The following FAM20B variants were observed in gnomAD, a reference collection of about 807,000 sequenced individuals.
The protein encoded by FAM20B is glycosaminoglycan xylosylkinase.
In FAM20B, 23 loss-of-function variants were observed where a neutral mutation model predicts 43.8. That is an observed-to-expected ratio of 0.53 (90% confidence interval 0.38 to 0.74). FAM20B has a LOEUF of 0.74. FAM20B is among the 30% of genes least tolerant of loss of function. The pLI is 0.00. For synonymous variants in FAM20B, 178 were observed against 192.4 expected (o/e 0.93, Z 0.62); for missense variants, 440 against 510.5 (o/e 0.86, Z 1.33).
Position 179,064,005 on chromosome 1 carries a change from A to C in FAM20B, c.653A>C (p.Glu218Ala). ...EPACADGDIM[E>A]GSVTLWLPDV... ...GCTTGTGCTGATGGAGACATAATGG[A>C]GGGATCTGTCACACTTTGGCTTCCA... Residue 218 changes from glutamate to alanine, a missense_variant, in exon 5 of 8, where the codon GAG becomes GCG. Coordinates refer to ENST00000263733, the MANE Select transcript of FAM20B (RefSeq NM_014864.4). 1.9e-5 allele frequency: 30 copies of C among 1,613,770 alleles called. No individual in the cohort carries two copies. Among genetic ancestry groups the C allele is most frequent in the Non-Finnish European group, 2.5e-5 (30 of 1,179,670 alleles).
At chr1:179,040,989 A>C (rs2102493946) in intron 1 of FAM20B, among the ~76,000 whole-genome samples, 1 of 140,320 alleles carries the variant, frequency 7.1e-6, no homozygotes, top group Non-Finnish European at 1.5e-5. Flanking sequence ...GCCGGCGGGC[A>C]GAGGCGCTCC....
Position 179,054,521 on chromosome 1 carries a change from C to G in FAM20B, c.465-8C>G. ...TTTTCTCTTCTGTTCTTCAATCTTCCAAACCAGGATTCTGGGTTTCCACCG... is the reference window on the plus strand; with the variant it reads ...TTTTCTCTTCTGTTCTTCAATCTTCGAAACCAGGATTCTGGGTTTCCACCG... On this transcript the variant is annotated splice_region_variant and splice_polypyrimidine_tract_variant and intron_variant, in intron 3 of 7. Transcript: ENST00000263733. 6.3e-7 allele frequency: 1 copy of G among 1,586,670 alleles called. No individual in the cohort carries two copies. Among genetic ancestry groups the G allele is most frequent in the Non-Finnish European group, 8.6e-7 (1 of 1,156,268 alleles).
chr1:179,045,277 C>T (rs561967125), intron 2 of FAM20B, among the ~76,000 whole-genome samples: 72 of 152,180 alleles, frequency 4.7e-4, no homozygotes, highest in African/African-American at 1.6e-3. Flanking sequence ...ATTCTTTTGC[C>T]GGGAGTTAGT....
At chr1:179,062,876 C>A (rs1651528787) in intron 4 of FAM20B, among the ~76,000 whole-genome samples, 1 of 152,190 alleles carries the variant, frequency 6.6e-6, no homozygotes, top group African/African-American at 2.4e-5. Context: ...TAACCAAACT[C>A]TTGGCCACAC....
chr1:179,045,137 TAC>T (rs1207293920), intron 2 of FAM20B, among the ~76,000 whole-genome samples: 4 of 152,248 alleles, frequency 2.6e-5, no homozygotes, highest in East Asian at 1.9e-4. Context: ...AATTCTGTGA[TAC>T]AGTTAATTAT....
At chr1:179,035,321 G>A in intron 1 of FAM20B, 1 of 668,722 alleles carries the variant, frequency 1.5e-6, no homozygotes, top group Non-Finnish European at 2.8e-6. Context: ...ACGGGCTTTG[G>A]TGGGGGTCGT....
At chr1:179,035,364 G>T in intron 1 of FAM20B, 1 of 701,710 alleles carries the variant, frequency 1.4e-6, no homozygotes, top group East Asian at 2.7e-5. Flanking sequence ...ATCGGGGTAG[G>T]GGTGTTCGGT....
At chr1:179,023,152 A>G (rs375867717), upstream of FAM20B, among the ~76,000 whole-genome samples, 7 of 152,320 alleles carry the variant, frequency 4.6e-5, no homozygotes, top group African/African-American at 1.7e-4. Context: ...TGGGTTCCAC[A>G]CTGGGGCTAA....
In FAM20B at chr1:179,074,049, C is replaced by T. The variant is rs1375388339; in HGVS notation, c.*1905C>T. The T allele has an allele frequency of 6.6e-6, 1 of 152,564 alleles. No homozygotes were observed. Among genetic ancestry groups the T allele is most frequent in the African/African-American group, 2.4e-5 (1 of 41,458 alleles). 9.5% of individuals were successfully genotyped at this position (152,564 alleles called of 1,614,324 possible). A position where few individuals can be genotyped will look rare whatever the true frequency, so the allele number is the denominator to read the frequency against. On this transcript the variant is annotated 3_prime_UTR_variant, in exon 8 of 8. Coordinates refer to ENST00000263733, the MANE Select transcript of FAM20B (RefSeq NM_014864.4). ...GAAACTAGTTTTAGGCAACCACTCT[C>T]AAAAACAGCTTTAGAATTTATGCCC... is the stretch of plus-strand genomic sequence containing the variant.
At chr1:179,063,369 T>C (rs2102520763) in intron 4 of FAM20B, among the ~76,000 whole-genome samples, 1 of 152,228 alleles carries the variant, frequency 6.6e-6, no homozygotes, top group South Asian at 2.1e-4. Flanking sequence ...GAAGATCACT[T>C]GAGTCCAGGA....
upstream of FAM20B, among the ~76,000 whole-genome samples, chr1:179,023,060 G>T (rs1399955707): frequency 6.6e-6 from 1 of 152,202 alleles, no homozygotes; most frequent in African/African-American, 2.4e-5. Context: ...AGCAGAAAAT[G>T]GTCCTGAAAA....
rs768815241 is a variant in FAM20B, at chr1:179,064,289, T to C, written c.747-16T>C. 2 of 1,592,622 alleles carry C rather than the reference T, an allele frequency of 1.3e-6. No homozygotes were observed. The highest frequency in any genetic ancestry group is 1.1e-5 in the South Asian group (1 of 88,524). On this transcript the variant is annotated splice_polypyrimidine_tract_variant and intron_variant, in intron 5 of 7. Coordinates refer to ENST00000263733, the MANE Select transcript of FAM20B (RefSeq NM_014864.4). ...ACAGTGTTGTCACTCAGTGCTGTGA[T>C]GCTGCTTGTCTCCAGGTGGGAGTAT...
intron 7 of FAM20B, among the ~76,000 whole-genome samples, chr1:179,069,537 A>C (rs1466457161): frequency 2.0e-5 from 3 of 151,746 alleles, no homozygotes; most frequent in Non-Finnish European, 4.4e-5. Context: ...CGCCCAGCTA[A>C]TTTTTTGTAT....
chr1:179,063,619 C>G (rs1651566397), intron 4 of FAM20B, among the ~76,000 whole-genome samples: 1 of 152,072 alleles, frequency 6.6e-6, no homozygotes, highest in African/African-American at 2.4e-5. Flanking sequence ...ACAAAACAAA[C>G]AAAAAGTGAA....
rs1650960064 is a variant in FAM20B at position 179,050,495 on chromosome 1, T to C, written c.464+130T>C. On this transcript the variant is annotated intron_variant, in intron 3 of 7. Transcript: ENST00000263733. ...CTTGTTATCGATTTTAGATAGCTAA[T>C]TGACTAGTTCCATTAAACTTGTATG... 3 of 639,768 alleles carry C rather than the reference T, an allele frequency of 4.7e-6. No homozygotes were observed. In the African/African-American group the frequency reaches 5.5e-5, roughly 12 times the overall value. 39.6% of individuals were successfully genotyped at this position (639,768 alleles called of 1,614,324 possible).
At chr1:179,021,551 GTAGT>G (rs530702035), upstream of FAM20B, among the ~76,000 whole-genome samples, 6 of 152,284 alleles carry the variant, frequency 3.9e-5, no homozygotes, top group Non-Finnish European at 7.4e-5. Context: ...ACACTTTGGG[GTAGT>G]TAAACAAATT....
chr1:179,038,622 C>T (rs1650352596), intron 1 of FAM20B, among the ~76,000 whole-genome samples: 1 of 152,160 alleles, frequency 6.6e-6, no homozygotes, highest in South Asian at 2.1e-4. Flanking sequence ...GAGAAGTGTA[C>T]TGTTGAACAA....
rs749709671 is a variant in FAM20B, at chr1:179,066,869, G to A, written c.998+10G>A. On this transcript the variant is annotated intron_variant, in intron 7 of 7. Transcript: ENST00000263733. The stretch of plus-strand genomic sequence containing the variant: ...TCTATCAGTGTTGCATGTAAGTTAT[G>A]CACAGCAAATACATGTGCCTGCATT... The A allele has an allele frequency of 1.9e-6, 3 of 1,593,696 alleles. No homozygotes were observed. Among genetic ancestry groups the A allele is most frequent in the African/African-American group, 1.3e-5 (1 of 74,512 alleles).
chr1:179,045,421 G>A (rs1424344168), intron 2 of FAM20B, among the ~76,000 whole-genome samples: 1 of 152,186 alleles, frequency 6.6e-6, no homozygotes, highest in Admixed American at 6.5e-5. Flanking sequence ...GAGAAGAAAT[G>A]TAGGGAAAAG....
Sources: gnomAD v4.1 joint callset for allele counts (sites outside exome capture counted in the v4.1 genomes callset) on GRCh38, gnomAD v4.1.1 for gene constraint, MANE v1.5 for transcripts, NCBI Gene and HGNC (gene_info 2026-07-23, HGNC 2026-07-21) for gene names.